The following GRIK1 variants were observed in gnomAD, a reference collection of about 807,000 sequenced individuals.
GRIK1 encodes the protein glutamate ionotropic receptor kainate type subunit 1.
In GRIK1, 69 loss-of-function variants were observed where a neutral mutation model predicts 105.7. That is an observed-to-expected ratio of 0.65 (90% CI 0.54 to 0.80). The LOEUF (loss-of-function observed/expected upper bound fraction) is 0.80. Among genes scored for constraint, GRIK1 ranks in the 30% least tolerant of loss-of-function variants. The pLI is 0.00. For missense variants in GRIK1, 1,109 were observed against 1,167.3 expected, an observed-to-expected ratio of 0.95 and a Z score of 0.73; for synonymous variants, 438 against 431.3, an observed-to-expected ratio of 1.02 and a Z score of -0.19.
intron 16 of GRIK1, among the ~76,000 whole-genome samples, chr21:29,539,367 A>G (rs1283263116): frequency 6.6e-6 from 1 of 152,130 alleles, no homozygotes; most frequent in Admixed American, 6.6e-5. Flanking sequence ...GGGCAAAATT[A>G]TCTATCCAGC....
chr21:29,928,489 T>C (rs1400548560), intron 1 of GRIK1, among the ~76,000 whole-genome samples: 9 of 152,110 alleles, frequency 5.9e-5, no homozygotes, highest in Admixed American at 5.9e-4. Context: ...TGGAGGACCA[T>C]AGTGTACAAT....
intron 14 of GRIK1, among the ~76,000 whole-genome samples, chr21:29,569,823 C>T (rs1461526694): frequency 6.6e-6 from 1 of 152,208 alleles, no homozygotes. Flanking sequence ...AGCCGTTGTA[C>T]ATTTCTGACT....
chr21:29,830,656 A>G (rs931759869), intron 1 of GRIK1, among the ~76,000 whole-genome samples: 88 of 152,282 alleles, frequency 5.8e-4, no homozygotes, highest in Non-Finnish European at 1.0e-3. Flanking sequence ...GTGTCCTAGG[A>G]AGTTTTACAA....
At chr21:29,777,848 G>A (rs1050498852) in intron 1 of GRIK1, among the ~76,000 whole-genome samples, 10 of 152,164 alleles carry the variant, frequency 6.6e-5, no homozygotes, top group African/African-American at 1.7e-4. Context: ...AGAACTTGAC[G>A]ACTAATTGAG....
At chr21:29,753,834 GATTATTGGATGT>G (rs1185571097) in intron 1 of GRIK1, among the ~76,000 whole-genome samples, 1 of 152,074 alleles carries the variant, frequency 6.6e-6, no homozygotes, top group Non-Finnish European at 1.5e-5. Flanking sequence ...TGTGCAATTG[GATTATTGGATGT>G]TCTGTGCCCT....
chr21:29,854,617 T>G (rs996438137), intron 1 of GRIK1, among the ~76,000 whole-genome samples: 1 of 152,218 alleles, frequency 6.6e-6, no homozygotes, highest in Non-Finnish European at 1.5e-5. Context: ...TAAGCCCCTT[T>G]GGTCATTATA....
chr21:29,865,126 A>G (rs1489106362), intron 1 of GRIK1, among the ~76,000 whole-genome samples: 1 of 152,112 alleles, frequency 6.6e-6, no homozygotes, highest in African/African-American at 2.4e-5. Context: ...CCTTGTGTCT[A>G]TTTTTACAAA....
chr21:29,862,279 C>T (rs1334829927), intron 1 of GRIK1, among the ~76,000 whole-genome samples: 1 of 152,206 alleles, frequency 6.6e-6, no homozygotes, highest in Non-Finnish European at 1.5e-5. Flanking sequence ...TGAATCATCA[C>T]ACCTGGCCAC....
At chr21:29,662,407 G>A (rs363565) in intron 4 of GRIK1, among the ~76,000 whole-genome samples, 4,170 of 152,194 alleles carry the variant, frequency 0.027, 77 homozygotes, top group Non-Finnish European at 0.042. Flanking sequence ...CAACATCTAG[G>A]GAAAATTGGT....
At chr21:29,564,938 C>T (rs994325041) in intron 14 of GRIK1, among the ~76,000 whole-genome samples, 1 of 152,164 alleles carries the variant, frequency 6.6e-6, no homozygotes, top group African/African-American at 2.4e-5. Context: ...TAGCATGGCT[C>T]TATGGAACAG....
intron 14 of GRIK1, among the ~76,000 whole-genome samples, chr21:29,570,658 A>T (rs2090722509): frequency 6.6e-6 from 1 of 152,326 alleles, no homozygotes; most frequent in Non-Finnish European, 1.5e-5. Context: ...TGAACACTTG[A>T]TAAATGTTCT....
chr21:29,641,683 A>G (rs1486963090), intron 7 of GRIK1, among the ~76,000 whole-genome samples: 1 of 152,186 alleles, frequency 6.6e-6, no homozygotes, highest in Non-Finnish European at 1.5e-5. Flanking sequence ...TAGAATACTC[A>G]CCCAAGAATG....
intron 1 of GRIK1, among the ~76,000 whole-genome samples, chr21:29,909,860 C>T (rs2070757001): frequency 6.6e-6 from 1 of 152,102 alleles, no homozygotes; most frequent in Non-Finnish European, 1.5e-5. Context: ...GAAATAATTA[C>T]ATGACGAGTA....
At chr21:29,571,990 A>G (rs955898137) in intron 14 of GRIK1, among the ~76,000 whole-genome samples, 1 of 152,140 alleles carries the variant, frequency 6.6e-6, no homozygotes, top group African/African-American at 2.4e-5. Context: ...TATTCATTCT[A>G]CAGCTCAAGA....
At chr21:29,538,837 T>TAACTTGATGTAGTTTAGAG (rs2089923763) in intron 16 of GRIK1, among the ~76,000 whole-genome samples, 1 of 152,216 alleles carries the variant, frequency 6.6e-6, no homozygotes, top group African/African-American at 2.4e-5. Flanking sequence ...GTTCCAAAAA[T>TAACTTGATGTAGTTTAGAG]AACTTGATGT....
intron 1 of GRIK1, among the ~76,000 whole-genome samples, chr21:29,875,312 A>G (rs922150733): frequency 6.6e-6 from 1 of 152,152 alleles, no homozygotes; most frequent in African/African-American, 2.4e-5. Flanking sequence ...AGGCATTGAA[A>G]TCAATAATCA....
intron 7 of GRIK1, among the ~76,000 whole-genome samples, chr21:29,604,747 G>T (rs1289114066): frequency 6.6e-6 from 1 of 152,140 alleles, no homozygotes; most frequent in East Asian, 1.9e-4. Flanking sequence ...AGATCTTCAT[G>T]TCTACCACTG....
intron 16 of GRIK1, chr21:29,553,063 T>C (rs2090161948): frequency 5.8e-6 from 1 of 170,958 alleles, no homozygotes; most frequent in Non-Finnish European, 1.2e-5. Flanking sequence ...AACATTGTTA[T>C]GGAGTTATGT....
At chr21:29,908,139 GT>G (rs1055404075) in intron 1 of GRIK1, among the ~76,000 whole-genome samples, 74 of 151,916 alleles carry the variant, frequency 4.9e-4, no homozygotes, top group African/African-American at 1.7e-3. Flanking sequence ...TTTAACATTT[GT>G]TATCCAATTT....
Sources: gnomAD v4.1 joint callset for allele counts (sites outside exome capture counted in the v4.1 genomes callset) on GRCh38, gnomAD v4.1.1 for gene constraint, MANE v1.5 for transcripts, NCBI Gene and HGNC (gene_info 2026-07-23, HGNC 2026-07-21) for gene names.